The following PITPNC1 variants were observed in gnomAD, a reference collection of about 807,000 sequenced individuals.
The protein encoded by PITPNC1 is phosphatidylinositol transfer protein cytoplasmic 1, also known as cytoplasmic phosphatidylinositol transfer protein 1.
PITPNC1 carries 18 observed loss-of-function variants against 44.7 expected under a neutral mutation model. The ratio of observed to expected loss-of-function variants is 0.40; its 90% CI spans 0.28 to 0.60. The LOEUF (loss-of-function observed/expected upper bound fraction) is 0.60. Among genes scored for constraint, PITPNC1 ranks in the 20% least tolerant of loss-of-function variants. PITPNC1 has a pLI of 0.39. For missense variants in PITPNC1, 290 were observed against 418.4 expected (o/e 0.69, Z 2.68); for synonymous variants, 141 against 149.6 (o/e 0.94, Z 0.42).
chr17:67,662,367 T>A (rs191521133), intron 6 of PITPNC1, among the ~76,000 whole-genome samples: 2 of 151,974 alleles, frequency 1.3e-5, no homozygotes, highest in Non-Finnish European at 2.9e-5. Context: ...GGCAGAAGAA[T>A]TGCTTGAACC....
chr17:67,669,433 A>G (rs1368175116), intron 6 of PITPNC1, 75 bp from the exon 7 acceptor site: 3 of 1,092,664 alleles, frequency 2.7e-6, no homozygotes, highest in African/African-American at 3.2e-5. Context: ...TATGTTATTT[A>G]ATACTTATTC....
At chr17:67,497,474 T>TA (rs920647638) in intron 1 of PITPNC1, among the ~76,000 whole-genome samples, 1 of 151,576 alleles carries the variant, frequency 6.6e-6, no homozygotes, top group African/African-American at 2.4e-5. Flanking sequence ...AAGTCGTCTT[T>TA]TTTTTTTTCT....
At chr17:67,578,735 A>C (rs2041185135) in intron 5 of PITPNC1, among the ~76,000 whole-genome samples, 1 of 152,218 alleles carries the variant, frequency 6.6e-6, no homozygotes, top group Admixed American at 6.5e-5. Flanking sequence ...TAATCCCAGC[A>C]CTCTGGGAGG....
At chr17:67,557,718 A>C (rs985590283) in intron 4 of PITPNC1, among the ~76,000 whole-genome samples, 1 of 152,192 alleles carries the variant, frequency 6.6e-6, no homozygotes, top group Non-Finnish European at 1.5e-5. Flanking sequence ...TGGTGGCAGA[A>C]CCCACCCTTG....
chr17:67,424,612 G>A (rs867479385), intron 1 of PITPNC1, among the ~76,000 whole-genome samples: 1 of 152,028 alleles, frequency 6.6e-6, no homozygotes, highest in Non-Finnish European at 1.5e-5. Context: ...ATCCGGGATC[G>A]CACTACTGTG....
At chr17:67,560,091 T>C (rs1260402935) in intron 4 of PITPNC1, among the ~76,000 whole-genome samples, 1 of 152,148 alleles carries the variant, frequency 6.6e-6, no homozygotes, top group Non-Finnish European at 1.5e-5. Context: ...ATTTTATAAT[T>C]ATAGGACTTC....
At chr17:67,415,973 C>T (rs1404620368) in intron 1 of PITPNC1, among the ~76,000 whole-genome samples, 1 of 151,832 alleles carries the variant, frequency 6.6e-6, no homozygotes, top group Admixed American at 6.6e-5. Context: ...TACTGCCATT[C>T]TTCATTCTTC....
At chr17:67,641,707 G>C (rs1178182324) in intron 6 of PITPNC1, among the ~76,000 whole-genome samples, 1 of 151,702 alleles carries the variant, frequency 6.6e-6, no homozygotes, top group African/African-American at 2.4e-5. Context: ...TGAGGGAAGA[G>C]GATCACTTGA....
At chr17:67,587,803 G>A (rs1231571595) in intron 5 of PITPNC1, among the ~76,000 whole-genome samples, 1 of 152,172 alleles carries the variant, frequency 6.6e-6, no homozygotes, top group African/African-American at 2.4e-5. Flanking sequence ...CCCCCTGGGT[G>A]CCTCCTTCGG....
At chr17:67,568,706 G>T (rs1291604495) in intron 4 of PITPNC1, among the ~76,000 whole-genome samples, 2 of 151,882 alleles carry the variant, frequency 1.3e-5, no homozygotes, top group African/African-American at 4.8e-5. Flanking sequence ...CTGAGTTTGG[G>T]GGTGGGCTCC....
intron 1 of PITPNC1, among the ~76,000 whole-genome samples, chr17:67,398,983 TC>T (rs2038263643): frequency 6.6e-6 from 1 of 151,468 alleles, no homozygotes; most frequent in Non-Finnish European, 1.5e-5. Context: ...TTCGGCAACT[TC>T]TCGTGTAGTT....
rs2042604118 is a variant in PITPNC1, at chr17:67,676,403, A to G, written c.682+861A>G. On this transcript the variant is annotated intron_variant, in intron 8 of 8. Coordinates refer to ENST00000581322, the MANE Select transcript of PITPNC1 (RefSeq NM_012417.4). This position sits in a 1 kb window ranked among gnomAD's most constrained non-coding sequence, Gnocchi z 4.0. The stretch of plus-strand genomic sequence containing the variant: ...AGCAAATGAAAACAAGGTTAGCTTC[A>G]TCCCATGATGGATGGACCATCCTTC... Among the ~76,000 whole-genome samples, 1 of 152,158 alleles carries G rather than the reference A, an allele frequency of 6.6e-6. No homozygotes were observed. The highest frequency in any genetic ancestry group is 2.1e-4 in the South Asian group (1 of 4,834).
chr17:67,581,755 G>A (rs1369998677), intron 5 of PITPNC1, among the ~76,000 whole-genome samples: 1 of 152,108 alleles, frequency 6.6e-6, no homozygotes, highest in Admixed American at 6.6e-5. Flanking sequence ...GCGTTGCGCC[G>A]AGGCACGGTG....
At chr17:67,436,434 C>T (rs60183873) in intron 1 of PITPNC1, among the ~76,000 whole-genome samples, 2,422 of 152,178 alleles carry the variant, frequency 0.016, 71 homozygotes, top group African/African-American at 0.055. Flanking sequence ...CTAGCATGGC[C>T]TCTTTGTGTT....
intron 1 of PITPNC1, among the ~76,000 whole-genome samples, chr17:67,527,204 C>A (rs1467558150): frequency 9.0e-6 from 1 of 111,342 alleles, no homozygotes; most frequent in Non-Finnish European, 2.0e-5. Flanking sequence ...CTTTTTAAAT[C>A]ATCACGAGGC....
At chr17:67,397,162 G>A (rs2038232303) in intron 1 of PITPNC1, among the ~76,000 whole-genome samples, 1 of 151,716 alleles carries the variant, frequency 6.6e-6, no homozygotes. Context: ...TGTATTTTTA[G>A]TATAGACGGG....
chr17:67,425,187 GCGCGCGCACGCACA>G (rs2038732293), intron 1 of PITPNC1, among the ~76,000 whole-genome samples: 2 of 36,418 alleles, frequency 5.5e-5, no homozygotes, highest in South Asian at 6.6e-4. Flanking sequence ...GCCATGTTGT[GCGCGCGCACGCACA>G]CGCACACACA....
intron 2 of PITPNC1, among the ~76,000 whole-genome samples, chr17:67,542,746 T>C (rs1184608712): frequency 6.6e-6 from 1 of 152,212 alleles, no homozygotes; most frequent in Non-Finnish European, 1.5e-5. Context: ...TTCTCTTCCT[T>C]ACATCAATCT....
At chr17:67,436,261 C>T (rs2038935716) in intron 1 of PITPNC1, among the ~76,000 whole-genome samples, 1 of 152,136 alleles carries the variant, frequency 6.6e-6, no homozygotes, top group Admixed American at 6.6e-5. Context: ...TCAGCTGCCT[C>T]CCAGAGTGTT....
Sources: gnomAD v4.1 joint callset for allele counts (sites outside exome capture counted in the v4.1 genomes callset) on GRCh38, gnomAD v4.1.1 for gene constraint, Gnocchi (gnomAD v3.1) non-coding constraint, MANE v1.5 for transcripts, NCBI Gene and HGNC (gene_info 2026-07-23, HGNC 2026-07-21) for gene names.